The following HSD17B12 variants were observed in gnomAD, a reference collection of about 807,000 sequenced individuals.
HSD17B12 encodes the protein very-long-chain 3-oxoacyl-CoA reductase.
HSD17B12 carries 32 observed loss-of-function variants against 39.3 expected under a neutral mutation model. The observed-to-expected ratio is 0.81, with a 90% CI of 0.61 to 1.09. HSD17B12 has a LOEUF of 1.09. HSD17B12 is among the 50% of genes least tolerant of loss of function. The pLI, the probability that HSD17B12 is intolerant of heterozygous loss-of-function variation, is 0.00. For missense variants in HSD17B12, 342 were observed against 382.9 expected, an observed-to-expected ratio of 0.89 and a Z score of 0.89; for synonymous variants, 150 against 146.7, an observed-to-expected ratio of 1.02 and a Z score of -0.16.
chr11:43,851,536 G>A (rs1471452154), intron 9 of HSD17B12, among the ~76,000 whole-genome samples: 1 of 151,954 alleles, frequency 6.6e-6, no homozygotes, highest in Admixed American at 6.6e-5. Context: ...GTTTAGATAG[G>A]TGCTCTTATA....
At chr11:43,816,787 T>C (rs1379517903) in intron 6 of HSD17B12, among the ~76,000 whole-genome samples, 1 of 151,766 alleles carries the variant, frequency 6.6e-6, no homozygotes, top group Non-Finnish European at 1.5e-5. Flanking sequence ...TTTTCCTGAG[T>C]CCCCGAAGTC....
the HSD17B12 span, among the ~76,000 whole-genome samples, chr11:43,674,273 C>G: frequency 6.6e-6 from 1 of 152,208 alleles, no homozygotes; most frequent in South Asian, 2.1e-4. Flanking sequence ...ATTATAGGGT[C>G]CTGTATGCAT....
chr11:43,731,762 T>G (rs1208104419), intron 1 of HSD17B12, among the ~76,000 whole-genome samples: 4 of 152,126 alleles, frequency 2.6e-5, no homozygotes, highest in Non-Finnish European at 5.9e-5. Context: ...AATATATATG[T>G]TCAGTAAGCT....
At chr11:43,843,821 C>G (rs894653510) in intron 9 of HSD17B12, among the ~76,000 whole-genome samples, 2 of 152,176 alleles carry the variant, frequency 1.3e-5, no homozygotes, top group African/African-American at 2.4e-5. Flanking sequence ...ATACCTCTGC[C>G]TGCTACTGTC....
the HSD17B12 span, among the ~76,000 whole-genome samples, chr11:43,613,728 G>A: frequency 2.6e-5 from 4 of 151,006 alleles, no homozygotes; most frequent in East Asian, 2.0e-4. Flanking sequence ...ATTCAATGGC[G>A]TGATCTTAGC....
intron 1 of HSD17B12, among the ~76,000 whole-genome samples, chr11:43,682,689 A>C (rs190708772): frequency 8.5e-5 from 13 of 152,336 alleles, no homozygotes; most frequent in Non-Finnish European, 2.9e-5. Flanking sequence ...AAAGACTACA[A>C]GATTTTTATA....
chr11:43,677,491 T>G (rs1410672324), upstream of HSD17B12, among the ~76,000 whole-genome samples: 1 of 152,198 alleles, frequency 6.6e-6, no homozygotes, highest in Non-Finnish European at 1.5e-5. Context: ...GTCCACAATG[T>G]GCAGGTTTGT....
chr11:43,775,730 G>A (rs1322260130), intron 3 of HSD17B12, among the ~76,000 whole-genome samples: 2 of 151,012 alleles, frequency 1.3e-5, no homozygotes, highest in Non-Finnish European at 3.0e-5. Flanking sequence ...CTAGCATTAG[G>A]TATATCTCCC....
At chr11:43,798,449 A>G in intron 4 of HSD17B12, 22 bp downstream of exon 4, 1 of 1,417,390 alleles carries the variant, frequency 7.1e-7, no homozygotes, top group Non-Finnish European at 9.9e-7. Flanking sequence ...TGCCACATTT[A>G]TAGGTTCTTC....
chr11:43,583,423 C>A, the HSD17B12 span, among the ~76,000 whole-genome samples: 1 of 152,170 alleles, frequency 6.6e-6, no homozygotes, highest in Non-Finnish European at 1.5e-5. Flanking sequence ...CTGCTTGGGG[C>A]GGCTGCACGC....
intron 1 of HSD17B12, among the ~76,000 whole-genome samples, chr11:43,696,942 A>G (rs1949917539): frequency 6.6e-6 from 1 of 152,024 alleles, no homozygotes; most frequent in Non-Finnish European, 1.5e-5. Flanking sequence ...GTTCTCACCC[A>G]TAAGTGAGAG....
chr11:43,631,868 T>A, the HSD17B12 span, among the ~76,000 whole-genome samples: 1 of 152,128 alleles, frequency 6.6e-6, no homozygotes, highest in African/African-American at 2.4e-5. Context: ...CGGCTTCGGC[T>A]ACGGACCAGG....
At chr11:43,572,558 T>G in the HSD17B12 span, among the ~76,000 whole-genome samples, 1 of 152,190 alleles carries the variant, frequency 6.6e-6, no homozygotes, top group Admixed American at 6.5e-5. Context: ...TCTAAGACTT[T>G]TAGACAAGCT....
intron 3 of HSD17B12, among the ~76,000 whole-genome samples, chr11:43,766,503 T>G (rs987462592): frequency 1.1e-4 from 16 of 152,236 alleles, no homozygotes; most frequent in African/African-American, 3.4e-4. Context: ...TAGTCTCTGT[T>G]ACACCGTCAT....
At chr11:43,565,634 G>A in the HSD17B12 span, among the ~76,000 whole-genome samples, 1 of 152,176 alleles carries the variant, frequency 6.6e-6, no homozygotes, top group Non-Finnish European at 1.5e-5. Flanking sequence ...AGGACCTAAA[G>A]AATTCTACTC....
the HSD17B12 span, chr11:43,673,492 C>CTTTTCTTTTTTTTTTTTTTTTTTTTTTT: frequency 2.4e-5 from 2 of 83,872 alleles, no homozygotes; most frequent in Non-Finnish European, 4.3e-5. Flanking sequence ...CTTTTCTTTT[C>CTTTTCTTTTTTTTTTTTTTTTTTTTTTT]TTTTTTTTTT....
At chr11:43,656,547 A>C in the HSD17B12 span, among the ~76,000 whole-genome samples, 1 of 151,654 alleles carries the variant, frequency 6.6e-6, no homozygotes, top group Non-Finnish European at 1.5e-5. Flanking sequence ...TAGTGCTATA[A>C]ATTTCCCTCT....
At chr11:43,588,694 G>A in the HSD17B12 span, among the ~76,000 whole-genome samples, 8 of 150,320 alleles carry the variant, frequency 5.3e-5, no homozygotes, top group Non-Finnish European at 1.2e-4. Flanking sequence ...TTAAATCATA[G>A]CATAAGCAGC....
At chr11:43,743,882 A>C (rs1173932333) in intron 1 of HSD17B12, among the ~76,000 whole-genome samples, 2 of 152,216 alleles carry the variant, frequency 1.3e-5, no homozygotes, top group Non-Finnish European at 2.9e-5. Context: ...GAGTAGAAGA[A>C]AATGTAAATG....
Sources: allele counts gnomAD v4.1 joint callset (sites outside exome capture counted in the v4.1 genomes callset), GRCh38; gene constraint gnomAD v4.1.1; transcripts MANE v1.5; gene names NCBI Gene and HGNC (gene_info 2026-07-23, HGNC 2026-07-21).